Variants in BRINP1 observed in about 807,000 individuals in gnomAD.
BRINP1 encodes the protein BMP/retinoic acid inducible neural specific 1, also known as BMP/retinoic acid-inducible neural-specific protein 1.
Under a neutral mutation model 72.9 loss-of-function variants are expected in BRINP1, and 17 were observed. The observed-to-expected ratio is 0.23, with a 90% CI of 0.16 to 0.35. The LOEUF (loss-of-function observed/expected upper bound fraction) is 0.35. BRINP1 is among the 10% of genes least tolerant of loss of function. The pLI, the probability that BRINP1 is intolerant of heterozygous loss-of-function variation, is 1.00. For synonymous variants in BRINP1, 418 were observed against 378.5 expected, an observed-to-expected ratio of 1.10 and a Z score of -1.21; for missense variants, 850 against 1,001.6, an observed-to-expected ratio of 0.85 and a Z score of 2.04.
chr9:119,184,040 T>G (rs1466140057), intron 7 of BRINP1, among the ~76,000 whole-genome samples: 1 of 152,070 alleles, frequency 6.6e-6, no homozygotes, highest in Non-Finnish European at 1.5e-5. Context: ...TCCCCTGAGC[T>G]TACAGATTCT....
At chr9:119,242,323 G>T in intron 3 of BRINP1, 107 bp from the exon 4 acceptor site, 1 of 879,136 alleles carries the variant, frequency 1.1e-6, no homozygotes, top group Non-Finnish European at 1.7e-6. Flanking sequence ...AACCAATGTG[G>T]CCCATGTTTC....
intron 2 of BRINP1, among the ~76,000 whole-genome samples, chr9:119,307,380 C>T (rs916137376): frequency 6.6e-6 from 1 of 152,094 alleles, no homozygotes; most frequent in Non-Finnish European, 1.5e-5. Flanking sequence ...CATATTGGAT[C>T]AAAATTGTAC....
intron 1 of BRINP1, among the ~76,000 whole-genome samples, chr9:119,356,427 G>A (rs1831566442): frequency 6.6e-6 from 1 of 152,120 alleles, no homozygotes; most frequent in South Asian, 2.1e-4. Context: ...GCTCTATGGT[G>A]GTAAGAACTT....
intron 7 of BRINP1, among the ~76,000 whole-genome samples, chr9:119,180,757 G>C (rs1161133616): frequency 1.3e-5 from 2 of 151,966 alleles, no homozygotes; most frequent in African/African-American, 4.8e-5. Context: ...TCTTCACATG[G>C]TGTCACAGCC....
chr9:119,335,694 G>A (rs547068365), intron 1 of BRINP1, among the ~76,000 whole-genome samples: 2 of 152,276 alleles, frequency 1.3e-5, no homozygotes, highest in African/African-American at 4.8e-5. Flanking sequence ...TCTAATATCA[G>A]TGATTTGTTC....
At chr9:119,244,663 A>G (rs1830295851) in intron 3 of BRINP1, among the ~76,000 whole-genome samples, 1 of 152,174 alleles carries the variant, frequency 6.6e-6, no homozygotes, top group African/African-American at 2.4e-5. Flanking sequence ...TTCCCTCTGG[A>G]CTGAGAACTG....
At chr9:119,283,180 TTTC>T in intron 2 of BRINP1, 1 of 984,962 alleles carries the variant, frequency 1.0e-6, no homozygotes, top group Non-Finnish European at 1.2e-6. Flanking sequence ...TCCTTGAGTG[TTTC>T]TTTAGAATGA....
chr9:119,209,195 G>C (rs1432362365), intron 6 of BRINP1, among the ~76,000 whole-genome samples: 1 of 152,180 alleles, frequency 6.6e-6, no homozygotes, highest in Non-Finnish European at 1.5e-5. Flanking sequence ...TCTGGCGTCG[G>C]AATACCAACC....
chr9:119,212,996 C>T (rs1402239328), intron 6 of BRINP1, among the ~76,000 whole-genome samples: 3 of 151,928 alleles, frequency 2.0e-5, no homozygotes, highest in Non-Finnish European at 4.4e-5. Flanking sequence ...GTTGGCATAT[C>T]TGCACATTTC....
At chr9:119,328,869 A>G (rs781491399) in intron 1 of BRINP1, among the ~76,000 whole-genome samples, 22 of 152,200 alleles carry the variant, frequency 1.4e-4, no homozygotes, top group Non-Finnish European at 2.1e-4. Context: ...CTGAAAGGAC[A>G]AAACAAAAAC....
chr9:119,302,561 T>G (rs1830949329), intron 2 of BRINP1, among the ~76,000 whole-genome samples: 1 of 152,144 alleles, frequency 6.6e-6, no homozygotes, highest in Non-Finnish European at 1.5e-5. Flanking sequence ...AAGTGTAGGA[T>G]CCATCACCTT....
chr9:119,211,753 T>G (rs1383479687), intron 6 of BRINP1, among the ~76,000 whole-genome samples: 1 of 152,172 alleles, frequency 6.6e-6, no homozygotes, highest in Non-Finnish European at 1.5e-5. Context: ...ATGAATGGAT[T>G]TGTCTTAAAG....
chr9:119,346,391 C>T (rs1831452554), intron 1 of BRINP1, among the ~76,000 whole-genome samples: 3 of 152,122 alleles, frequency 2.0e-5, no homozygotes, highest in Admixed American at 6.5e-5. Context: ...AAATTATCAA[C>T]ATTTTCTAGT....
intron 2 of BRINP1, among the ~76,000 whole-genome samples, chr9:119,263,692 C>G (rs1170556079): frequency 8.0e-6 from 1 of 125,070 alleles, no homozygotes; most frequent in Non-Finnish European, 1.6e-5. Flanking sequence ...ACTGCAAACT[C>G]CGCCTCCTGG....
At chr9:119,278,015 T>C (rs1310975302) in intron 2 of BRINP1, among the ~76,000 whole-genome samples, 1 of 152,242 alleles carries the variant, frequency 6.6e-6, no homozygotes, top group Non-Finnish European at 1.5e-5. Context: ...GATTATTCCA[T>C]ATATCGAATA....
intron 1 of BRINP1, among the ~76,000 whole-genome samples, chr9:119,345,575 T>C (rs748840464): frequency 1.3e-5 from 2 of 152,190 alleles, no homozygotes; most frequent in Non-Finnish European, 2.9e-5. Context: ...TTCCATTTCA[T>C]GGCAGCTTTT....
intron 7 of BRINP1, among the ~76,000 whole-genome samples, chr9:119,205,820 G>A (rs890203674): frequency 6.6e-6 from 1 of 151,980 alleles, no homozygotes; most frequent in Non-Finnish European, 1.5e-5. Flanking sequence ...CACCGTAACT[G>A]AAAGAGGTTA....
intron 2 of BRINP1, among the ~76,000 whole-genome samples, chr9:119,257,781 C>T (rs78142347): frequency 0.035 from 5,286 of 152,186 alleles, 308 homozygotes; most frequent in African/African-American, 0.12. Context: ...GCTCCCCACA[C>T]GATCCTCAGC....
At chr9:119,175,112 TAA>T in intron 7 of BRINP1, among the ~76,000 whole-genome samples, 1 of 38,520 alleles carries the variant, frequency 2.6e-5, no homozygotes, top group Admixed American at 2.9e-4. Context: ...AAACTTAAAG[TAA>T]AGTATAAAAA....
Sources: allele counts gnomAD v4.1 joint callset (sites outside exome capture counted in the v4.1 genomes callset), GRCh38; gene constraint gnomAD v4.1.1; transcripts MANE v1.5; gene names NCBI Gene and HGNC (gene_info 2026-07-23, HGNC 2026-07-21).